The following SLC12A8 variants were observed in gnomAD, a reference collection of about 807,000 sequenced individuals.
The protein encoded by SLC12A8 is solute carrier family 12 member 8.
SLC12A8 carries 69 observed loss-of-function variants against 75.6 expected under a neutral mutation model. The ratio of observed to expected loss-of-function variants is 0.91; its 90% confidence interval spans 0.75 to 1.11. The LOEUF (loss-of-function observed/expected upper bound fraction) is 1.11, where lower values mean the gene tolerates loss of function less well. SLC12A8 is among the 50% of genes most tolerant of loss of function. SLC12A8 has a pLI of 0.00. For missense variants in SLC12A8, 877 were observed against 896.7 expected, an observed-to-expected ratio of 0.98 and a Z score of 0.28; for synonymous variants, 365 against 372.8, an observed-to-expected ratio of 0.98 and a Z score of 0.24.
At chr3:125,088,246 C>T (rs571243525) in intron 13 of SLC12A8, 64 bp downstream of exon 13, 21 of 1,555,334 alleles carry the variant, frequency 1.4e-5, no homozygotes, top group African/African-American at 1.2e-4. Context: ...ATGGGACACC[C>T]TTGGCACCTC....
intron 13 of SLC12A8, chr3:125,088,106 G>A (rs1402832698): frequency 6.9e-6 from 4 of 582,702 alleles, no homozygotes; most frequent in African/African-American, 1.9e-5. Context: ...TGAGCCTAGA[G>A]GAAGCTTCTG....
chr3:125,121,887 G>T (rs1388171934), intron 6 of SLC12A8, among the ~76,000 whole-genome samples: 1 of 152,168 alleles, frequency 6.6e-6, no homozygotes, highest in African/African-American at 2.4e-5. Context: ...CGGATGGGGT[G>T]CATATACTGT....
intron 2 of SLC12A8, among the ~76,000 whole-genome samples, chr3:125,193,524 C>A (rs540666235): frequency 6.6e-6 from 1 of 152,226 alleles, no homozygotes; most frequent in Non-Finnish European, 1.5e-5. Context: ...AGCTCCCTTG[C>A]GTCGTGAGAG....
chr3:125,181,797 A>G (rs1934668899), intron 4 of SLC12A8, among the ~76,000 whole-genome samples: 1 of 151,922 alleles, frequency 6.6e-6, no homozygotes, highest in African/African-American at 2.4e-5. Flanking sequence ...AAAAAAATTA[A>G]ATAGATAAGC....
chr3:125,173,496 ATCTTACACCCT>A (rs1422010449), intron 5 of SLC12A8, among the ~76,000 whole-genome samples: 1 of 150,132 alleles, frequency 6.7e-6, no homozygotes, highest in East Asian at 1.9e-4. Context: ...CTGGACACTC[ATCTTACACCCT>A]TCACAAAATA....
At chr3:125,158,890 C>A (rs1934104827) in intron 5 of SLC12A8, among the ~76,000 whole-genome samples, 1 of 152,136 alleles carries the variant, frequency 6.6e-6, no homozygotes, top group Non-Finnish European at 1.5e-5. Context: ...CTTCATATCT[C>A]TTCCATGATA....
At chr3:125,154,264 C>A (rs911939150) in intron 5 of SLC12A8, among the ~76,000 whole-genome samples, 4 of 152,190 alleles carry the variant, frequency 2.6e-5, no homozygotes, top group Non-Finnish European at 5.9e-5. Context: ...ACTTATGTGT[C>A]CTGCTTGTTT....
At position 125,107,615 on chromosome 3, in the gene SLC12A8, G is replaced by C. The variant is rs893395848; in HGVS notation, c.1571C>G (p.Pro524Arg). 1.2e-6 allele frequency: 2 copies of C among 1,614,190 alleles called. No homozygotes were observed. Among genetic ancestry groups the C allele is most frequent in the Non-Finnish European group, 1.7e-6 (2 of 1,180,032 alleles). The change falls in exon 10 of 14, where the codon CCC becomes CGC. Residue 524 changes from proline (P) to arginine (R), a missense_variant. Pro to Arg is a moderately radical substitution (Grantham distance 103). Transcript: ENST00000469902. ...CTCCTGCCCCTCCCAGGAGGCAGCG[G>C]GCAACCTGTCAGAGATCTCGACAGG... ...SFPVEISDRL[P>R]AASWEGQESC...
chr3:125,187,794 G>A (rs770457052), intron 3 of SLC12A8, among the ~76,000 whole-genome samples: 33 of 147,276 alleles, frequency 2.2e-4, no homozygotes, highest in Admixed American at 1.2e-3. Flanking sequence ...TGCCTGGAAG[G>A]CCTCTCCTGC....
chr3:125,128,348 T>A (rs1419411393), intron 6 of SLC12A8, among the ~76,000 whole-genome samples: 1 of 135,520 alleles, frequency 7.4e-6, no homozygotes, highest in Non-Finnish European at 1.6e-5. Flanking sequence ...GCCCGGCTAA[T>A]TTTTTGTATT....
At chr3:125,139,599 A>T (rs1298114532) in intron 5 of SLC12A8, among the ~76,000 whole-genome samples, 1 of 152,082 alleles carries the variant, frequency 6.6e-6, no homozygotes, top group East Asian at 1.9e-4. Flanking sequence ...CACACCCTGA[A>T]CCTGGTGGCC....
At chr3:125,110,394 C>A in intron 8 of SLC12A8, 59 bp from the exon 9 acceptor site, 2 of 1,553,990 alleles carry the variant, frequency 1.3e-6, no homozygotes, top group South Asian at 1.2e-5. Flanking sequence ...CCTTTCTACC[C>A]CCCCAGCACC....
chr3:125,121,112 G>A (rs1933048791), intron 6 of SLC12A8, among the ~76,000 whole-genome samples: 1 of 152,166 alleles, frequency 6.6e-6, no homozygotes, highest in Non-Finnish European at 1.5e-5. Flanking sequence ...GATTCCATGG[G>A]AGCTTCCTGT....
intron 5 of SLC12A8, among the ~76,000 whole-genome samples, chr3:125,164,228 G>T (rs969989152): frequency 6.6e-6 from 1 of 152,142 alleles, no homozygotes; most frequent in Admixed American, 6.5e-5. Context: ...GTGCCAGGGG[G>T]CACCAGGGAA....
At chr3:125,108,454 C>T (rs996215219) in intron 9 of SLC12A8, among the ~76,000 whole-genome samples, 2 of 152,000 alleles carry the variant, frequency 1.3e-5, no homozygotes, top group African/African-American at 4.8e-5. Flanking sequence ...TTGCAACCTC[C>T]GCCTCTTGGG....
At chr3:125,144,437 G>A (rs1054874109) in intron 5 of SLC12A8, among the ~76,000 whole-genome samples, 17 of 152,136 alleles carry the variant, frequency 1.1e-4, no homozygotes, top group Non-Finnish European at 2.1e-4. Context: ...ACCCTGCAGA[G>A]GGGTCCAGAG....
chr3:125,083,740 A>T lies in SLC12A8; in HGVS notation c.*150T>A. ...CTGTCTCAAAAAAAAAAAAAAAGGGAAAAGAAAATGTAGATTTCCATTGTC... is the reference window on the plus strand; with the variant it reads ...CTGTCTCAAAAAAAAAAAAAAAGGGTAAAGAAAATGTAGATTTCCATTGTC... On this transcript the variant is annotated 3_prime_UTR_variant, in exon 14 of 14. Transcript: ENST00000469902. The T allele has an allele frequency of 1.2e-6, 1 of 803,486 alleles. No homozygotes were observed. The highest frequency in any genetic ancestry group is 1.9e-6 in the Non-Finnish European group (1 of 538,270). 49.8% of individuals were successfully genotyped at this position (803,486 alleles called of 1,614,324 possible). A position where few individuals can be genotyped will look rare whatever the true frequency, so the allele number is the denominator to read the frequency against.
chr3:125,210,930 TAA>T (rs1300747220), intron 2 of SLC12A8, among the ~76,000 whole-genome samples: 1 of 152,086 alleles, frequency 6.6e-6, no homozygotes, highest in African/African-American at 2.4e-5. Flanking sequence ...CTTCAGAACA[TAA>T]GAGTTTTTTC....
At chr3:125,166,125 G>A (rs946203384) in intron 5 of SLC12A8, among the ~76,000 whole-genome samples, 1 of 151,942 alleles carries the variant, frequency 6.6e-6, no homozygotes, top group Non-Finnish European at 1.5e-5. Context: ...GCTGCGGGGC[G>A]CTTTACCCCA....
Sources: allele counts gnomAD v4.1 joint callset (sites outside exome capture counted in the v4.1 genomes callset), GRCh38; gene constraint gnomAD v4.1.1; transcripts MANE v1.5; gene names NCBI Gene and HGNC (gene_info 2026-07-23, HGNC 2026-07-21).